MED13: variants seen among roughly 807,000 people sequenced by gnomAD.
The protein encoded by MED13 is mediator of RNA polymerase II transcription subunit 13.
Under a neutral mutation model 225.2 loss-of-function variants are expected in MED13, and 23 were observed. That is an observed-to-expected ratio of 0.10 (90% CI 0.07 to 0.14). MED13 has a LOEUF of 0.14. MED13 is among the 10% of genes least tolerant of loss of function. The pLI, the probability that MED13 is intolerant of heterozygous loss-of-function variation, is 1.00. For missense variants in MED13, 2,197 were observed against 2,594.5 expected, an observed-to-expected ratio of 0.85 and a Z score of 3.33; for synonymous variants, 942 against 889.2, an observed-to-expected ratio of 1.06 and a Z score of -1.06.
At chr17:61,950,673 C>T (rs1567936970) in intron 28 of MED13, 152 bp downstream of exon 28, 8 of 655,864 alleles carry the variant, frequency 1.2e-5, no homozygotes, top group Non-Finnish European at 1.4e-5. Flanking sequence ...CGTGAGCCAC[C>T]GTGCCTTCGT....
chr17:61,957,515 A>C (rs940722861), intron 23 of MED13, among the ~76,000 whole-genome samples: 3 of 151,642 alleles, frequency 2.0e-5, no homozygotes, highest in Non-Finnish European at 4.4e-5. Flanking sequence ...ACACCCGGCT[A>C]ATTTTTGTAT....
chr17:61,990,193 A>G (rs1288489592), intron 11 of MED13, among the ~76,000 whole-genome samples: 1 of 152,134 alleles, frequency 6.6e-6, no homozygotes, highest in Non-Finnish European at 1.5e-5. Context: ...AAATTGCTGA[A>G]AGTAGATTTT....
At chr17:62,015,092 G>C (rs537736754) in intron 8 of MED13, among the ~76,000 whole-genome samples, 8 of 152,290 alleles carry the variant, frequency 5.3e-5, no homozygotes, top group Admixed American at 5.2e-4. Flanking sequence ...CAACTAAAAG[G>C]AGAGATTTAG....
At chr17:61,958,805 T>C (rs943501679) in intron 23 of MED13, among the ~76,000 whole-genome samples, 1 of 152,186 alleles carries the variant, frequency 6.6e-6, no homozygotes, top group Non-Finnish European at 1.5e-5. Context: ...GCACTTACTA[T>C]GTACCATCCA....
intron 19 of MED13, among the ~76,000 whole-genome samples, 195 bp from the exon 20 acceptor site, chr17:61,965,663 G>C (rs373919758): frequency 6.6e-6 from 1 of 151,992 alleles, no homozygotes; most frequent in East Asian, 1.9e-4. Flanking sequence ...ATTTAAAATG[G>C]AATTGAAAAA....
intron 8 of MED13, among the ~76,000 whole-genome samples, chr17:62,018,964 G>A (rs1234697284): frequency 6.6e-6 from 1 of 152,156 alleles, no homozygotes; most frequent in Non-Finnish European, 1.5e-5. Flanking sequence ...GATCCATTCA[G>A]TTATTAGTGA....
At chr17:62,023,029 TGAGAG>T in intron 8 of MED13, among the ~76,000 whole-genome samples, 1 of 152,070 alleles carries the variant, frequency 6.6e-6, no homozygotes, top group South Asian at 2.1e-4. Flanking sequence ...ATTTATGTGT[TGAGAG>T]GAGAATACAT....
chr17:62,002,417 A>T (rs761623382), intron 9 of MED13, among the ~76,000 whole-genome samples: 6 of 141,414 alleles, frequency 4.2e-5, no homozygotes, highest in East Asian at 2.3e-4. Context: ...TGAACCTGGG[A>T]GGCGGAGGTT....
rs1305815338 is a variant in MED13 at position 61,945,771 on chromosome 17, G to A, written c.*697C>T. 1.3e-5 allele frequency: 2 copies of A among 152,418 alleles called. No individual in the cohort carries two copies. Among genetic ancestry groups the A allele is most frequent in the African/African-American group, 4.8e-5 (2 of 41,356 alleles). The allele number at this position is 152,418 out of a possible 1,614,324, so 9.4% of individuals were successfully genotyped here. ...TAGCTGTAAATCCTCCACACACAAT[G>A]GTATGGACATTATTCCCCCTCTATC... On this transcript the variant is annotated 3_prime_UTR_variant, in exon 30 of 30. Coordinates refer to ENST00000397786, the MANE Select transcript of MED13 (RefSeq NM_005121.3).
intron 9 of MED13, chr17:62,006,441 T>C (rs1033168188): frequency 1.3e-5 from 2 of 152,184 alleles, no homozygotes; most frequent in Non-Finnish European, 2.9e-5. Flanking sequence ...ATCCTTTTCA[T>C]TCTGGAATTT....
intron 9 of MED13, chr17:62,006,521 T>C (rs2080450487): frequency 6.6e-6 from 1 of 152,196 alleles, no homozygotes; most frequent in Admixed American, 6.6e-5. Flanking sequence ...CTGACACCTA[T>C]ACACATTACA....
chr17:62,018,841 C>G (rs943156170), intron 8 of MED13, among the ~76,000 whole-genome samples: 1 of 152,106 alleles, frequency 6.6e-6, no homozygotes, highest in East Asian at 1.9e-4. Context: ...ATCGATCCTA[C>G]ACGGATATTT....
Position 61,946,952 on chromosome 17 carries a change from G to T in MED13, c.6357C>A (p.His2119Gln). The T allele has an allele frequency of 6.2e-7, 1 of 1,614,094 alleles. No homozygotes were observed. The highest frequency in any genetic ancestry group is 1.1e-5 in the South Asian group (1 of 91,076). Residue 2119 changes from histidine (H) to glutamine (Q), a missense_variant, in exon 29 of 30, where the codon CAC becomes CAA. Transcript: ENST00000397786. ...CTGAAGTCTGATTTGAGTCAAGTGG[G>T]TGGGAGTGTTTACTGTGAAGCAGCT... ...SDELLHSKHS[H>Q]PLDSNQTSDV... is the part of the protein sequence containing the mutation.
chr17:62,049,717 G>A (rs912663749), intron 3 of MED13, among the ~76,000 whole-genome samples: 1 of 150,938 alleles, frequency 6.6e-6, no homozygotes, highest in African/African-American at 2.4e-5. Context: ...GGATCACAAG[G>A]TCAGGAGATC....
chr17:61,954,196 C>T (rs1000964008), intron 26 of MED13, among the ~76,000 whole-genome samples: 7 of 152,116 alleles, frequency 4.6e-5, no homozygotes, highest in African/African-American at 1.7e-4. Context: ...TATTATATAA[C>T]ACACGAAAAC....
chr17:62,021,468 C>A (rs2080646288), intron 8 of MED13, among the ~76,000 whole-genome samples: 2 of 151,680 alleles, frequency 1.3e-5, no homozygotes, highest in Admixed American at 6.6e-5. Context: ...GGCAGAGGGG[C>A]TCCTCACTTC....
chr17:61,981,144 TC>T (rs1417851137), intron 16 of MED13, among the ~76,000 whole-genome samples: 3 of 152,020 alleles, frequency 2.0e-5, no homozygotes, highest in African/African-American at 7.2e-5. Flanking sequence ...TGCCTTAGCC[TC>T]CCGAGTAGCT....
chr17:61,989,987 C>T (rs957733329), intron 11 of MED13, among the ~76,000 whole-genome samples: 2 of 152,182 alleles, frequency 1.3e-5, no homozygotes, highest in African/African-American at 2.4e-5. Flanking sequence ...TTTCAAGCTA[C>T]CTAGACCATT....
At chr17:61,950,729 G>T in intron 28 of MED13, 96 bp downstream of exon 28, 1 of 1,252,952 alleles carries the variant, frequency 8.0e-7, no homozygotes, top group Non-Finnish European at 1.1e-6. Context: ...TAAGAACTTA[G>T]ACAAGCTATA....
Sources: allele counts gnomAD v4.1 joint callset (sites outside exome capture counted in the v4.1 genomes callset), GRCh38; gene constraint gnomAD v4.1.1; transcripts MANE v1.5; gene names NCBI Gene and HGNC (gene_info 2026-07-23, HGNC 2026-07-21).